Variants in TMPRSS13 observed in about 807,000 individuals in gnomAD.
TMPRSS13 encodes the protein transmembrane protease serine 13.
A neutral mutation model predicts 68.4 loss-of-function variants in TMPRSS13; 50 were observed. That is an observed-to-expected ratio of 0.73 (90% CI 0.58 to 0.93). The LOEUF (loss-of-function observed/expected upper bound fraction) is 0.93. Among genes scored for constraint, TMPRSS13 ranks in the 40% least tolerant of loss-of-function variants. The probability of loss-of-function intolerance (pLI) is 0.00; values close to 1 mark genes in which losing one functional copy is unlikely to be tolerated. For missense variants in TMPRSS13, 615 were observed against 729.2 expected, an observed-to-expected ratio of 0.84 and a Z score of 1.80; for synonymous variants, 267 against 285.8, an observed-to-expected ratio of 0.93 and a Z score of 0.66.
At chr11:117,924,142 A>G (rs2057674869) in intron 1 of TMPRSS13, among the ~76,000 whole-genome samples, 1 of 113,192 alleles carries the variant, frequency 8.8e-6, no homozygotes, top group Non-Finnish European at 2.0e-5. Flanking sequence ...CCAGAAGCTG[A>G]AGACCAACCT....
Position 117,921,716 on chromosome 11 carries a change from T to C in TMPRSS13, c.22-2878A>G, listed in dbSNP as rs73022424. On this transcript the variant is annotated intron_variant, in intron 1 of 12. Coordinates refer to ENST00000524993, the MANE Select transcript of TMPRSS13 (RefSeq NM_001077263.3). ...GGCCCTGGGTCTGGGGGTATCTAGC[T>C]CTGGTCTGGGTAGAGCAAGTGCTCT... 6.4e-3 allele frequency among the ~76,000 whole-genome samples: 977 copies of C among 152,222 alleles called. 5 individuals carry two copies. Among genetic ancestry groups the C allele is most frequent in the Middle Eastern group, 0.037 (11 of 294 alleles).
chr11:117,910,806 A>T, intron 6 of TMPRSS13, 56 bp from the exon 7 acceptor site: 2 of 1,523,340 alleles, frequency 1.3e-6, no homozygotes, highest in Non-Finnish European at 1.8e-6. Flanking sequence ...CTCCTCCAGG[A>T]AGCCTTCCTG....
intron 6 of TMPRSS13, 24 bp from the exon 7 acceptor site, chr11:117,910,774 G>T: frequency 6.2e-7 from 1 of 1,600,538 alleles, no homozygotes; most frequent in East Asian, 2.3e-5. Context: ...CACAGAAAGT[G>T]GGAAAAGGGC....
chr11:117,918,237 T>C (rs2057598328), intron 2 of TMPRSS13, among the ~76,000 whole-genome samples, 172 bp downstream of exon 2: 2 of 152,152 alleles, frequency 1.3e-5, no homozygotes, highest in Non-Finnish European at 2.9e-5. Flanking sequence ...CAGGTTTTCA[T>C]GTAATGTTTC....
Position 117,914,306 on chromosome 11 carries a change from C to T in TMPRSS13, c.679+86G>A, listed in dbSNP as rs2057552484. ...GCACGCACACATATACACACACAGG[C>T]ATGCATACACACACACATATACAAA... On this transcript the variant is annotated intron_variant, in intron 4 of 12. Transcript: ENST00000524993. The surrounding 1 kb of genome is among the most constrained non-coding windows in gnomAD (Gnocchi z 4.2). The T allele has an allele frequency of 1.3e-6, 2 of 1,546,292 alleles. No individual in the cohort carries two copies. Among genetic ancestry groups the T allele is most frequent in the East Asian group, 4.5e-5 (2 of 44,524 alleles).
At position 117,917,325 on chromosome 11, in the gene TMPRSS13, G is replaced by A. The variant is rs751481022; in HGVS notation, c.452-51C>T. The A allele has an allele frequency of 8.4e-5, 119 of 1,418,348 alleles. No individual in the cohort carries two copies. The South Asian group carries it at 8.5e-4, about 10-fold the overall frequency. The allele number at this position is 1,418,348 out of a possible 1,614,324, so 87.9% of individuals were successfully genotyped here. A position where few individuals can be genotyped will look rare whatever the true frequency, so the allele number is the denominator to read the frequency against. On this transcript the variant is annotated intron_variant, in intron 2 of 12. Coordinates refer to ENST00000524993, the MANE Select transcript of TMPRSS13 (RefSeq NM_001077263.3). ...ATATGAGGCTGGAGAGGAGTCCGAC[G>A]AGATGGAGAGGGTGGGGGAAACAAG...
chr11:117,903,933 T>C (rs992444001), intron 11 of TMPRSS13, 26 bp downstream of exon 11: 5 of 1,607,326 alleles, frequency 3.1e-6, no homozygotes, highest in Non-Finnish European at 4.2e-6. Flanking sequence ...TGCTGGGACC[T>C]GAGCCCCACC....
chr11:117,923,387 C>T (rs2057666663), intron 1 of TMPRSS13, among the ~76,000 whole-genome samples: 1 of 151,766 alleles, frequency 6.6e-6, no homozygotes, highest in Non-Finnish European at 1.5e-5. Context: ...ATGTCCAGCT[C>T]TTGTCCTCTC....
At chr11:117,923,460 C>T (rs2057667460) in intron 1 of TMPRSS13, among the ~76,000 whole-genome samples, 1 of 152,098 alleles carries the variant, frequency 6.6e-6, no homozygotes, top group African/African-American at 2.4e-5. Context: ...CTCATGGTTG[C>T]TTCATCTCAG....
At chr11:117,903,596 TC>T (rs1412847765) in intron 12 of TMPRSS13, 58 bp downstream of exon 12, 1 of 1,611,652 alleles carries the variant, frequency 6.2e-7, no homozygotes. Context: ...TCCTCCAGGG[TC>T]CCCACCTGAG....
chr11:117,916,115 A>C (rs1042268476), intron 3 of TMPRSS13, among the ~76,000 whole-genome samples: 1 of 151,856 alleles, frequency 6.6e-6, no homozygotes, highest in Non-Finnish European at 1.5e-5. Flanking sequence ...ACGCTGGTCC[A>C]CTCCACCCTT....
In TMPRSS13 at chr11:117,911,818, G is replaced by A. The variant is rs1565348308; in HGVS notation, c.852C>T (p.Asn284=). The change falls in exon 6 of 13, where the codon AAC becomes AAT. Residue 284 remains asparagine (N), a synonymous_variant. Coordinates refer to ENST00000524993, the MANE Select transcript of TMPRSS13 (RefSeq NM_001077263.3). ...TTEVAHRDFA[N]SFSILRYNST... ...AGTTGTATCTCAAGATTGAGAAGCT[G>A]TTGGCAAAATCCCTGTGGGCAACCT... 1.9e-6 allele frequency: 3 copies of A among 1,614,106 alleles called. No individual in the cohort carries two copies. The highest frequency in any genetic ancestry group is 2.2e-5 in the South Asian group (2 of 91,078).
chr11:117,902,881 T>C (rs1464338018), intron 12 of TMPRSS13, among the ~76,000 whole-genome samples: 6 of 151,972 alleles, frequency 3.9e-5, no homozygotes, highest in Non-Finnish European at 5.9e-5. Context: ...AAATGGAAGA[T>C]GAGAGGGTGG....
Position 117,917,286 on chromosome 11 carries a change from G to T in TMPRSS13, c.452-12C>A. ...GGGCAGGCTCGTACCTAGGAGCAGGGCGGCAGCAGGGGAATATGAGGCTGG... is the reference window on the plus strand; with the variant it reads ...GGGCAGGCTCGTACCTAGGAGCAGGTCGGCAGCAGGGGAATATGAGGCTGG... On this transcript the variant is annotated splice_polypyrimidine_tract_variant and intron_variant, in intron 2 of 12. Coordinates refer to ENST00000524993, the MANE Select transcript of TMPRSS13 (RefSeq NM_001077263.3). 1 of 1,605,302 alleles carries T rather than the reference G, an allele frequency of 6.2e-7. No homozygotes were observed.
chr11:117,914,044 A>G lies in TMPRSS13; in HGVS notation c.680-138T>C, dbSNP rs1237438564. ...GCTGAGGCCTGGGAAAAGTCCAGGAACATGGCCTGGGTCATGGGGGTTAAC... is the reference window on the plus strand; with the variant it reads ...GCTGAGGCCTGGGAAAAGTCCAGGAGCATGGCCTGGGTCATGGGGGTTAAC... On this transcript the variant is annotated intron_variant, in intron 4 of 12. Coordinates refer to ENST00000524993, the MANE Select transcript of TMPRSS13 (RefSeq NM_001077263.3). This position sits in a 1 kb window ranked among gnomAD's most constrained non-coding sequence, Gnocchi z 4.2. The G allele has an allele frequency of 1.9e-6, 2 of 1,073,928 alleles. No individual in the cohort carries two copies. The highest frequency in any genetic ancestry group is 3.2e-5 in the African/African-American group (2 of 63,108). The allele number at this position is 1,073,928 out of a possible 1,614,324, so 66.5% of individuals were successfully genotyped here.
chr11:117,905,810 A>C (rs2057459366), intron 9 of TMPRSS13, 74 bp from the exon 10 acceptor site: 1 of 1,248,588 alleles, frequency 8.0e-7, no homozygotes, highest in African/African-American at 1.5e-5. Flanking sequence ...GAAGGAGCAC[A>C]ACCACTCTGG....
At chr11:117,903,050 T>C in intron 12 of TMPRSS13, 1 of 1,055,808 alleles carries the variant, frequency 9.5e-7, no homozygotes, top group Non-Finnish European at 1.1e-6. Context: ...AATAACTTTT[T>C]ATTATTTTAT....
chr11:117,909,671 C>G, intron 8 of TMPRSS13, 135 bp downstream of exon 8: 1 of 1,068,010 alleles, frequency 9.4e-7, no homozygotes, highest in Non-Finnish European at 1.3e-6. Context: ...CCAAGCTACA[C>G]CAGTGCCAAC....
At chr11:117,925,766 A>G (rs909861578) in intron 1 of TMPRSS13, among the ~76,000 whole-genome samples, 5 of 152,234 alleles carry the variant, frequency 3.3e-5, no homozygotes, top group South Asian at 2.1e-4. Flanking sequence ...ACCAAGAGGA[A>G]TCTGTTCTGC....
Sources: allele counts gnomAD v4.1 joint callset (sites outside exome capture counted in the v4.1 genomes callset), GRCh38; gene constraint gnomAD v4.1.1; non-coding constraint Gnocchi (gnomAD v3.1); transcripts MANE v1.5; gene names NCBI Gene and HGNC (gene_info 2026-07-23, HGNC 2026-07-21).